Variants in MED13L observed in about 807,000 individuals in gnomAD.
MED13L encodes the protein mediator complex subunit 13L.
MED13L carries 7 observed loss-of-function variants against 220.9 expected under a neutral mutation model. That is an observed-to-expected ratio of 0.03 (90% CI 0.02 to 0.06). MED13L has a LOEUF of 0.06. Among genes scored for constraint, MED13L ranks in the 10% least tolerant of loss-of-function variants. The pLI, the probability that MED13L is intolerant of heterozygous loss-of-function variation, is 1.00. For missense variants in MED13L, 1,965 were observed against 2,760.5 expected, an observed-to-expected ratio of 0.71 and a Z score of 6.46; for synonymous variants, 1,011 against 1,015.2, an observed-to-expected ratio of 1.00 and a Z score of 0.08.
intron 2 of MED13L, among the ~76,000 whole-genome samples, chr12:116,173,841 G>C (rs992265331): frequency 6.6e-6 from 1 of 152,182 alleles, no homozygotes; most frequent in Admixed American, 6.5e-5. Context: ...AAACATGTAT[G>C]TTAAATCTGA....
rs184168588 is a variant in MED13L, at chr12:116,257,302, G to A, written c.73-19597C>T. On this transcript the variant is annotated intron_variant, in intron 1 of 30. Transcript: ENST00000281928. ...AACATGAGTGGCTCCTTCCCCCATA[G>A]TAACATACACTTTACACTGCTGTGG... Among the ~76,000 whole-genome samples, 14 of 152,260 alleles carry A rather than the reference G, an allele frequency of 9.2e-5. No individual in the cohort carries two copies. In the East Asian group the frequency reaches 2.7e-3, roughly 29 times the overall value.
chr12:116,040,539 C>T (rs1189927267), intron 4 of MED13L, among the ~76,000 whole-genome samples: 1 of 152,076 alleles, frequency 6.6e-6, no homozygotes, highest in African/African-American at 2.4e-5. Context: ...GTAGTCATTG[C>T]CTTTCTTTGG....
intron 29 of MED13L, among the ~76,000 whole-genome samples, chr12:115,964,991 T>C (rs1876041022): frequency 6.6e-6 from 1 of 152,246 alleles, no homozygotes; most frequent in Non-Finnish European, 1.5e-5. Context: ...ATATTGATAA[T>C]TCTAATTCAA....
intron 3 of MED13L, among the ~76,000 whole-genome samples, chr12:116,102,469 G>A (rs910135112): frequency 1.3e-4 from 19 of 151,934 alleles, no homozygotes; most frequent in African/African-American, 3.9e-4. Flanking sequence ...GTTAATCATC[G>A]AGTTACAGAG....
chr12:116,039,815 C>T (rs1881414718), intron 4 of MED13L, among the ~76,000 whole-genome samples: 1 of 151,910 alleles, frequency 6.6e-6, no homozygotes, highest in Non-Finnish European at 1.5e-5. Flanking sequence ...GACACTCAAG[C>T]AGAGACACCA....
intron 2 of MED13L, among the ~76,000 whole-genome samples, chr12:116,180,024 C>T (rs1348267734): frequency 6.6e-6 from 1 of 152,098 alleles, no homozygotes; most frequent in African/African-American, 2.4e-5. Flanking sequence ...CTATACAATC[C>T]AAGTGACTTA....
At chr12:116,100,877 G>C (rs964725215) in intron 3 of MED13L, among the ~76,000 whole-genome samples, 1 of 152,072 alleles carries the variant, frequency 6.6e-6, no homozygotes, top group African/African-American at 2.4e-5. Context: ...TGGCACCCCT[G>C]CACCCCAGCC....
intron 1 of MED13L, among the ~76,000 whole-genome samples, chr12:116,249,734 CAAAAAAA>C (rs58809334): frequency 9.2e-4 from 18 of 19,616 alleles, no homozygotes; most frequent in South Asian, 2.3e-3. Flanking sequence ...AGTACCTACC[CAAAAAAA>C]AAAAAAAAAA....
At chr12:116,096,230 C>A (rs1244151850) in intron 4 of MED13L, among the ~76,000 whole-genome samples, 1 of 151,170 alleles carries the variant, frequency 6.6e-6, no homozygotes, top group Non-Finnish European at 1.5e-5. Flanking sequence ...TGGCATACAC[C>A]TGTGGTCCCA....
At chr12:116,030,738 GGAACACTTTTAACAATAA>G (rs1358705553) in intron 4 of MED13L, among the ~76,000 whole-genome samples, 1 of 151,742 alleles carries the variant, frequency 6.6e-6, no homozygotes, top group Admixed American at 6.6e-5. Context: ...AAACAAAGAA[GGAACACTTTTAACAATAA>G]GAACACTATA....
chr12:116,182,344 CA>C (rs1179747506), intron 2 of MED13L, among the ~76,000 whole-genome samples: 1 of 152,178 alleles, frequency 6.6e-6, no homozygotes, highest in Non-Finnish European at 1.5e-5. Context: ...CAAAACTAAC[CA>C]TTTTCTTAGG....
intron 7 of MED13L, among the ~76,000 whole-genome samples, chr12:116,018,903 A>AC (rs1879886457): frequency 7.3e-6 from 1 of 137,652 alleles, no homozygotes; most frequent in Non-Finnish European, 1.6e-5. Flanking sequence ...AAATTAAAAA[A>AC]AAAAAAAACA....
chr12:116,152,516 T>C (rs994458992), intron 2 of MED13L, among the ~76,000 whole-genome samples: 2 of 152,120 alleles, frequency 1.3e-5, no homozygotes, highest in Non-Finnish European at 2.9e-5. Flanking sequence ...CCTTGGGGGA[T>C]TTCCTACTCC....
chr12:116,228,978 T>C (rs989381392), intron 2 of MED13L, among the ~76,000 whole-genome samples: 2 of 152,160 alleles, frequency 1.3e-5, no homozygotes, highest in Admixed American at 1.3e-4. Flanking sequence ...TATCGCACTA[T>C]GTTTCCCAGG....
At chr12:115,977,126 C>G (rs546132229) in intron 23 of MED13L, among the ~76,000 whole-genome samples, 27 of 152,282 alleles carry the variant, frequency 1.8e-4, no homozygotes, top group Non-Finnish European at 2.8e-4. Context: ...GCACTTCAGC[C>G]TGGGCGACAG....
At position 115,958,940 on chromosome 12, in the gene MED13L, T is replaced by C. The variant is rs1040701534; in HGVS notation, c.*2326A>G. The C allele has an allele frequency of 1.3e-5, 2 of 152,488 alleles. No homozygotes were observed. Among genetic ancestry groups the C allele is most frequent in the South Asian group, 2.1e-4 (1 of 4,830 alleles). 9.4% of individuals were successfully genotyped at this position (152,488 alleles called of 1,614,324 possible). A position where few individuals can be genotyped will look rare whatever the true frequency, so the allele number is the denominator to read the frequency against. On this transcript the variant is annotated 3_prime_UTR_variant, in exon 31 of 31. Coordinates refer to ENST00000281928, the MANE Select transcript of MED13L (RefSeq NM_015335.5). ...CAATCCCACCCTTTTCCCCTCCCCA[T>C]TTCCCCTTTTTTTGTTCAAACCATG... is the stretch of plus-strand genomic sequence containing the variant.
At chr12:116,242,346 T>C (rs902056557) in intron 1 of MED13L, among the ~76,000 whole-genome samples, 9 of 152,096 alleles carry the variant, frequency 5.9e-5, no homozygotes, top group Non-Finnish European at 1.3e-4. Flanking sequence ...TGCCCAGCCA[T>C]ACTGTCTCAA....
At chr12:116,167,053 C>T (rs946941647) in intron 2 of MED13L, among the ~76,000 whole-genome samples, 3 of 151,760 alleles carry the variant, frequency 2.0e-5, no homozygotes, top group South Asian at 2.1e-4. Flanking sequence ...TCACAAAATT[C>T]GATGTTCAAA....
At chr12:116,202,787 C>G (rs1472136431) in intron 2 of MED13L, among the ~76,000 whole-genome samples, 1 of 152,182 alleles carries the variant, frequency 6.6e-6, no homozygotes, top group Non-Finnish European at 1.5e-5. Context: ...CCCACAGATT[C>G]ACTCAAGTCT....
Sources: allele counts gnomAD v4.1 joint callset (sites outside exome capture counted in the v4.1 genomes callset), GRCh38; gene constraint gnomAD v4.1.1; transcripts MANE v1.5; gene names NCBI Gene and HGNC (gene_info 2026-07-23, HGNC 2026-07-21).